The following TESK2 variants were observed in gnomAD, a reference collection of about 807,000 sequenced individuals.
The protein encoded by TESK2 is dual specificity testis-specific protein kinase 2.
A neutral mutation model predicts 57.1 loss-of-function variants in TESK2; 39 were observed. The ratio of observed to expected loss-of-function variants is 0.68; its 90% confidence interval spans 0.53 to 0.89. The LOEUF is 0.89. Ranked by LOEUF, TESK2 falls within the 40% of genes least tolerant of loss-of-function variation. The probability of loss-of-function intolerance (pLI) is 0.00; values close to 1 mark genes in which losing one functional copy is unlikely to be tolerated. For synonymous variants in TESK2, 249 were observed against 267.9 expected (o/e 0.93, Z 0.69); for missense variants, 646 against 732.1 (o/e 0.88, Z 1.36).
intron 1 of TESK2, among the ~76,000 whole-genome samples, chr1:45,486,668 C>T (rs1425859818): frequency 1.3e-5 from 2 of 149,892 alleles, no homozygotes; most frequent in South Asian, 2.1e-4. Flanking sequence ...GAGCAAGACC[C>T]CATAAAAAAA....
chr1:45,432,431 C>T (rs1312010245), intron 2 of TESK2, among the ~76,000 whole-genome samples: 1 of 151,860 alleles, frequency 6.6e-6, no homozygotes, highest in Admixed American at 6.6e-5. Context: ...GTGGCTCACG[C>T]CTGTAATCCC....
intron 3 of TESK2, among the ~76,000 whole-genome samples, chr1:45,414,643 T>A (rs1650165461): frequency 6.6e-6 from 1 of 152,182 alleles, no homozygotes; most frequent in Non-Finnish European, 1.5e-5. Context: ...CAACCCTACA[T>A]GTTTCTAGGC....
chr1:45,347,933 T>C lies in TESK2; in HGVS notation c.608A>G (p.Lys203Arg), dbSNP rs1163801862. The part of the protein sequence containing the change: ...AVVADFGLAE[K>R]IPDVSMGSEK... Reference sequence around the variant, plus strand: ...GGCTACACACCTGACATCGGGGATCTTCTCAGCCAGGCCAAAGTCAGCTAC... The same window carrying C: ...GGCTACACACCTGACATCGGGGATCCTCTCAGCCAGGCCAAAGTCAGCTAC... The change falls in exon 6 of 11, where the codon AAG becomes AGG. Residue 203 changes from lysine to arginine, a missense_variant. Transcript: ENST00000372086. 6.2e-7 allele frequency: 1 copy of C among 1,613,390 alleles called. No homozygotes were observed. The highest frequency in any genetic ancestry group is 1.1e-5 in the South Asian group (1 of 91,070).
chr1:45,374,017 G>A (rs1648309073), intron 4 of TESK2, among the ~76,000 whole-genome samples: 1 of 152,180 alleles, frequency 6.6e-6, no homozygotes, highest in Admixed American at 6.5e-5. Flanking sequence ...AGAACTCTGT[G>A]AATTCAAGTG....
At chr1:45,416,845 G>A (rs933551947) in intron 3 of TESK2, among the ~76,000 whole-genome samples, 16 of 151,484 alleles carry the variant, frequency 1.1e-4, no homozygotes, top group Non-Finnish European at 1.5e-4. Context: ...GGAGCGCAGT[G>A]GTGCGATCTC....
chr1:45,486,699 A>G (rs2149310114), intron 1 of TESK2, among the ~76,000 whole-genome samples: 1 of 150,474 alleles, frequency 6.6e-6, no homozygotes, highest in East Asian at 2.0e-4. Flanking sequence ...AAAAAAAAAC[A>G]AACGCACACA....
chr1:45,385,739 G>T (rs973616901), intron 4 of TESK2, among the ~76,000 whole-genome samples, 173 bp downstream of exon 4: 61 of 128,718 alleles, frequency 4.7e-4, no homozygotes, highest in African/African-American at 1.9e-3. Flanking sequence ...TATATATAAA[G>T]AAATACTGCC....
chr1:45,479,039 G>C (rs1189189927), intron 1 of TESK2, among the ~76,000 whole-genome samples: 1 of 151,920 alleles, frequency 6.6e-6, no homozygotes, highest in African/African-American at 2.4e-5. Flanking sequence ...TTAACTTTTT[G>C]AATCATGGGC....
At chr1:45,420,629 G>GCAAT (rs1225689425) in intron 3 of TESK2, among the ~76,000 whole-genome samples, 1 of 146,352 alleles carries the variant, frequency 6.8e-6, no homozygotes, top group Non-Finnish European at 1.5e-5. Flanking sequence ...GTGCAGTAGT[G>GCAAT]CAATCTCAGC....
At chr1:45,468,085 A>G (rs1461800802) in intron 1 of TESK2, among the ~76,000 whole-genome samples, 1 of 151,650 alleles carries the variant, frequency 6.6e-6, no homozygotes, top group African/African-American at 2.4e-5. Context: ...CCAAGGTGGG[A>G]GGATTGCTGG....
intron 5 of TESK2, among the ~76,000 whole-genome samples, chr1:45,354,022 G>A (rs1005203218): frequency 1.3e-5 from 2 of 152,162 alleles, no homozygotes. Context: ...AAAAATCACT[G>A]AACTCCTGCT....
chr1:45,447,769 G>A (rs1480083879), intron 2 of TESK2, among the ~76,000 whole-genome samples: 2 of 151,896 alleles, frequency 1.3e-5, no homozygotes, highest in Non-Finnish European at 2.9e-5. Flanking sequence ...CCACCGTCAC[G>A]GGTAATACAT....
At chr1:45,421,868 GAAA>G (rs768075839) in intron 2 of TESK2, 22 bp from the exon 3 acceptor site, 2 of 1,613,010 alleles carry the variant, frequency 1.2e-6, no homozygotes, top group East Asian at 4.5e-5. Context: ...AATAGAACAA[GAAA>G]AGAGGGTCAA....
At chr1:45,399,120 G>T (rs1188878161) in intron 3 of TESK2, 4 of 192,124 alleles carry the variant, frequency 2.1e-5, no homozygotes, top group South Asian at 6.6e-5. Context: ...AGTATTCATT[G>T]AACTTAAATA....
At chr1:45,474,350 T>C (rs908253242) in intron 1 of TESK2, among the ~76,000 whole-genome samples, 2 of 151,794 alleles carry the variant, frequency 1.3e-5, no homozygotes, top group Non-Finnish European at 2.9e-5. Flanking sequence ...TTCTGGGCCA[T>C]GCACAGTTGC....
chr1:45,349,178 ACCT>A (rs997402149), intron 5 of TESK2, among the ~76,000 whole-genome samples: 5 of 150,320 alleles, frequency 3.3e-5, no homozygotes, highest in African/African-American at 1.2e-4. Flanking sequence ...ATGCCAAGTC[ACCT>A]CCTGCTTACT....
At chr1:45,367,925 C>T (rs1648003496) in intron 4 of TESK2, among the ~76,000 whole-genome samples, 1 of 151,338 alleles carries the variant, frequency 6.6e-6, no homozygotes, top group Admixed American at 6.6e-5. Flanking sequence ...TCTCAAAGTG[C>T]TGGGATTACA....
chr1:45,435,477 T>G (rs554630131), intron 2 of TESK2, among the ~76,000 whole-genome samples: 79 of 148,446 alleles, frequency 5.3e-4, no homozygotes, highest in Admixed American at 1.3e-3. Context: ...TTACCCAGAC[T>G]CATCTCGAAC....
At chr1:45,380,980 A>G (rs1648630262) in intron 4 of TESK2, among the ~76,000 whole-genome samples, 1 of 152,234 alleles carries the variant, frequency 6.6e-6, no homozygotes, top group African/African-American at 2.4e-5. Context: ...ATAGAAATAG[A>G]CTTTGAAGTC....
Sources: allele counts gnomAD v4.1 joint callset (sites outside exome capture counted in the v4.1 genomes callset), GRCh38; gene constraint gnomAD v4.1.1; transcripts MANE v1.5; gene names NCBI Gene and HGNC (gene_info 2026-07-23, HGNC 2026-07-21).